The following CCDC170 variants were observed in gnomAD, a reference collection of about 807,000 sequenced individuals.
CCDC170 encodes coiled-coil domain-containing protein 170.
Under a neutral mutation model 72.6 loss-of-function variants are expected in CCDC170, and 69 were observed. The ratio of observed to expected loss-of-function variants is 0.95; its 90% confidence interval spans 0.78 to 1.16. The LOEUF (loss-of-function observed/expected upper bound fraction) is 1.16, where lower values mean the gene tolerates loss of function less well. CCDC170 is among the 50% of genes most tolerant of loss of function. The pLI is 0.00. For synonymous variants in CCDC170, 300 were observed against 303.9 expected (o/e 0.99, Z 0.13); for missense variants, 852 against 832.5 (o/e 1.02, Z -0.29).
At chr6:151,562,510 CTGTGTGGTGGCTTTATCAGACCATGCT>C (rs1212848967) in intron 5 of CCDC170, among the ~76,000 whole-genome samples, 1 of 152,102 alleles carries the variant, frequency 6.6e-6, no homozygotes, top group Non-Finnish European at 1.5e-5. Flanking sequence ...TGGATAGCTT[CTGTGTGGTGGCTTTATCAGACCATGCT>C]TGTTGAAGCT....
intron 1 of CCDC170, among the ~76,000 whole-genome samples, chr6:151,509,111 TG>T: frequency 6.6e-6 from 1 of 152,098 alleles, no homozygotes; most frequent in Non-Finnish European, 1.5e-5. Flanking sequence ...ATAAGTGAAG[TG>T]AAAAAAATCC....
At chr6:151,580,390 C>G (rs1185385265) in intron 6 of CCDC170, among the ~76,000 whole-genome samples, 1 of 152,016 alleles carries the variant, frequency 6.6e-6, no homozygotes. Flanking sequence ...GAGGCAGCAT[C>G]TTGTGGACAT....
intron 5 of CCDC170, among the ~76,000 whole-genome samples, chr6:151,556,804 C>T (rs931230781): frequency 5.7e-5 from 8 of 140,906 alleles, no homozygotes; most frequent in African/African-American, 1.1e-4. Context: ...TCACCCTACT[C>T]GCTGACAAAC....
At chr6:151,525,228 A>G (rs974190622) in intron 1 of CCDC170, among the ~76,000 whole-genome samples, 4 of 151,926 alleles carry the variant, frequency 2.6e-5, no homozygotes, top group African/African-American at 7.2e-5. Context: ...CACCACACCC[A>G]GCCTAGTCTG....
intron 1 of CCDC170, 88 bp from the exon 2 acceptor site, chr6:151,536,230 C>G: frequency 1.4e-6 from 2 of 1,454,890 alleles, no homozygotes; most frequent in Non-Finnish European, 1.9e-6. Context: ...AAGAATGCTT[C>G]TGCCTTTAAT....
chr6:151,551,979 T>A (rs1782885206), intron 5 of CCDC170, among the ~76,000 whole-genome samples: 1 of 152,136 alleles, frequency 6.6e-6, no homozygotes, highest in Non-Finnish European at 1.5e-5. Flanking sequence ...TTCCCCAAAT[T>A]TGGAACCTAC....
chr6:151,540,873 C>A (rs919850928), intron 3 of CCDC170, among the ~76,000 whole-genome samples: 1 of 152,094 alleles, frequency 6.6e-6, no homozygotes, highest in African/African-American at 2.4e-5. Context: ...TCTGACTGTG[C>A]CCCCTGCAGC....
intron 9 of CCDC170, among the ~76,000 whole-genome samples, chr6:151,606,251 A>G (rs1325094416): frequency 6.6e-6 from 1 of 152,174 alleles, no homozygotes; most frequent in Non-Finnish European, 1.5e-5. Flanking sequence ...TGATGTAGGC[A>G]TTATTGCTAT....
chr6:151,501,037 T>C, intron 1 of CCDC170, among the ~76,000 whole-genome samples: 1 of 152,146 alleles, frequency 6.6e-6, no homozygotes, highest in Non-Finnish European at 1.5e-5. Flanking sequence ...ATGCCTTTTG[T>C]CTATGAAATA....
intron 7 of CCDC170, among the ~76,000 whole-genome samples, chr6:151,586,990 T>C (rs1217875524): frequency 6.6e-6 from 1 of 152,026 alleles, no homozygotes; most frequent in Non-Finnish European, 1.5e-5. Flanking sequence ...ATCACTGTGT[T>C]AGCTGGGGTG....
At chr6:151,525,028 G>A (rs570609359) in intron 1 of CCDC170, among the ~76,000 whole-genome samples, 125 of 146,690 alleles carry the variant, frequency 8.5e-4, no homozygotes, top group Admixed American at 3.5e-3. Context: ...CGCCTCCCAG[G>A]TTCACGCCAT....
chr6:151,521,965 G>A (rs1782322712), intron 1 of CCDC170, among the ~76,000 whole-genome samples: 1 of 143,500 alleles, frequency 7.0e-6, no homozygotes, highest in Non-Finnish European at 1.5e-5. Context: ...CAGCCTGGGT[G>A]ACTGAGCGAG....
At chr6:151,536,959 C>T (rs1782599150) in intron 2 of CCDC170, among the ~76,000 whole-genome samples, 1 of 152,006 alleles carries the variant, frequency 6.6e-6, no homozygotes, top group South Asian at 2.1e-4. Flanking sequence ...GTGGCTTGGG[C>T]TGAATTCTGG....
chr6:151,544,686 C>A lies in CCDC170; in HGVS notation c.558C>A (p.Asp186Glu), dbSNP rs537982445. 21 of 1,612,446 alleles carry A rather than the reference C, an allele frequency of 1.3e-5. 1 individual carries two copies. Among genetic ancestry groups the A allele is most frequent in the Non-Finnish European group, 1.7e-5 (20 of 1,178,826 alleles). Residue 186 changes from aspartate to glutamate, a missense_variant, in exon 4 of 11, where the codon GAC becomes GAA. Transcript: ENST00000239374. ...GCTTGGATCCAGATGAGAGGAATGACAAGGCATCAGATGAAGATTTAATTT... is the reference window on the plus strand; with the variant it reads ...GCTTGGATCCAGATGAGAGGAATGAAAAGGCATCAGATGAAGATTTAATTT... ...RDCLDPDERN[D>E]KASDEDLILK...
intron 1 of CCDC170, among the ~76,000 whole-genome samples, chr6:151,531,345 G>A (rs1014154089): frequency 6.6e-6 from 1 of 152,234 alleles, no homozygotes; most frequent in Non-Finnish European, 1.5e-5. Flanking sequence ...GCTCACACCT[G>A]TAATTCCAGC....
chr6:151,528,799 C>T (rs1782449567), intron 1 of CCDC170, among the ~76,000 whole-genome samples: 2 of 151,994 alleles, frequency 1.3e-5, no homozygotes, highest in Non-Finnish European at 2.9e-5. Flanking sequence ...GATCGTGCCA[C>T]TGCACTCCAG....
chr6:151,576,496 C>T (rs937974603), intron 6 of CCDC170, among the ~76,000 whole-genome samples: 6 of 151,966 alleles, frequency 3.9e-5, no homozygotes, highest in African/African-American at 1.5e-4. Flanking sequence ...AAACAAGGCG[C>T]ATAATTATCA....
chr6:151,617,854 G>A (rs1776994035), intron 10 of CCDC170, 93 bp from the exon 11 acceptor site: 1 of 1,269,442 alleles, frequency 7.9e-7, no homozygotes, highest in African/African-American at 1.5e-5. Flanking sequence ...GCAAACCTGG[G>A]TTTTCTACAG....
intron 1 of CCDC170, among the ~76,000 whole-genome samples, chr6:151,509,121 C>T (rs911154450): frequency 1.3e-5 from 2 of 151,974 alleles, no homozygotes; most frequent in Non-Finnish European, 2.9e-5. Context: ...TGAAAAAAAT[C>T]CCATTTGGGA....
Sources: allele counts gnomAD v4.1 joint callset (sites outside exome capture counted in the v4.1 genomes callset), GRCh38; gene constraint gnomAD v4.1.1; transcripts MANE v1.5; gene names NCBI Gene and HGNC (gene_info 2026-07-23, HGNC 2026-07-21).